The following CNTNAP5 variants were observed in gnomAD, a reference collection of about 807,000 sequenced individuals.
CNTNAP5 encodes the protein contactin associated protein family member 5.
In CNTNAP5, 72 loss-of-function variants were observed where a neutral mutation model predicts 150.2. The observed-to-expected ratio is 0.48, with a 90% CI of 0.40 to 0.58. CNTNAP5 has a LOEUF of 0.58. Among genes scored for constraint, CNTNAP5 ranks in the 20% least tolerant of loss-of-function variants. The probability of loss-of-function intolerance (pLI) is 0.00; values close to 1 mark genes in which losing one functional copy is unlikely to be tolerated. For synonymous variants in CNTNAP5, 672 were observed against 619.8 expected (o/e 1.08, Z -1.25); for missense variants, 1,636 against 1,626.2 (o/e 1.01, Z -0.10).
chr2:124,916,343 G>C lies in CNTNAP5; in HGVS notation c.*2055G>C, dbSNP rs988109018. ...GGATCTTTAAACACTGTTTTCCCCTGCCCTTTCCTCCCTTTCTTCAATTTT... is the reference window on the plus strand; with the variant it reads ...GGATCTTTAAACACTGTTTTCCCCTCCCCTTTCCTCCCTTTCTTCAATTTT... On this transcript the variant is annotated 3_prime_UTR_variant, in exon 24 of 24. Coordinates refer to ENST00000682447, the MANE Select transcript of CNTNAP5 (RefSeq NM_001367498.1). Among the ~76,000 whole-genome samples the C allele has an allele frequency of 6.6e-6, 1 of 151,998 alleles. No individual in the cohort carries two copies. Among genetic ancestry groups the C allele is most frequent in the African/African-American group, 2.4e-5 (1 of 41,506 alleles).
intron 12 of CNTNAP5, among the ~76,000 whole-genome samples, chr2:124,612,728 C>A (rs1677412666): frequency 1.3e-5 from 2 of 152,108 alleles, no homozygotes; most frequent in African/African-American, 4.8e-5. Flanking sequence ...CGATGTCTAA[C>A]TTTCTGTTTT....
chr2:124,208,154 TAG>T (rs1685911858), intron 1 of CNTNAP5, among the ~76,000 whole-genome samples: 1 of 152,166 alleles, frequency 6.6e-6, no homozygotes, highest in South Asian at 2.1e-4. Context: ...GGTCATTTCA[TAG>T]AGTCCTGAAG....
chr2:124,552,942 G>T (rs1440157099), intron 10 of CNTNAP5, among the ~76,000 whole-genome samples: 3 of 152,106 alleles, frequency 2.0e-5, no homozygotes, highest in Non-Finnish European at 4.4e-5. Flanking sequence ...TCCCTAAATG[G>T]TAGATTATCT....
At chr2:124,670,175 T>TCCGTCCTTCCTC (rs1678788002) in intron 13 of CNTNAP5, among the ~76,000 whole-genome samples, 1 of 136,396 alleles carries the variant, frequency 7.3e-6, no homozygotes. Flanking sequence ...CTTCCTTCCT[T>TCCGTCCTTCCTC]CCTCCCTCTC....
intron 1 of CNTNAP5, among the ~76,000 whole-genome samples, chr2:124,101,978 G>T (rs1402714236): frequency 6.6e-6 from 1 of 152,124 alleles, no homozygotes; most frequent in Non-Finnish European, 1.5e-5. Context: ...TGGTGGGGTT[G>T]CTGACAGCGT....
At chr2:124,354,170 T>C (rs1689940898) in intron 3 of CNTNAP5, among the ~76,000 whole-genome samples, 1 of 152,114 alleles carries the variant, frequency 6.6e-6, no homozygotes, top group Admixed American at 6.6e-5. Flanking sequence ...TGAAAAGACA[T>C]TAAAATGACC....
chr2:124,392,261 T>C (rs58136873), intron 3 of CNTNAP5, among the ~76,000 whole-genome samples: 15,821 of 152,100 alleles, frequency 0.1, 1,194 homozygotes, highest in African/African-American at 0.22. Flanking sequence ...GAGGAAAAGG[T>C]CAAATAATCT....
At chr2:124,101,946 C>T (rs1683074952) in intron 1 of CNTNAP5, among the ~76,000 whole-genome samples, 1 of 152,136 alleles carries the variant, frequency 6.6e-6, no homozygotes, top group Non-Finnish European at 1.5e-5. Flanking sequence ...CGCCTGGTGC[C>T]TGACTTGCCC....
chr2:124,087,758 AG>A (rs1682726810), intron 1 of CNTNAP5, among the ~76,000 whole-genome samples: 1 of 151,718 alleles, frequency 6.6e-6, no homozygotes, highest in African/African-American at 2.4e-5. Context: ...CCACACTAAA[AG>A]TATTGTGCTC....
intron 14 of CNTNAP5, among the ~76,000 whole-genome samples, chr2:124,755,599 T>C (rs62171336): frequency 0.33 from 49,641 of 152,078 alleles, 9,130 homozygotes; most frequent in Non-Finnish European, 0.43. Flanking sequence ...TTGTCATTTC[T>C]ACTCTGCCTG....
chr2:124,786,453 A>G (rs1681591407), intron 17 of CNTNAP5, among the ~76,000 whole-genome samples: 1 of 124,536 alleles, frequency 8.0e-6, no homozygotes, highest in African/African-American at 3.9e-5. Context: ...GAAGGAAAGA[A>G]AGAAAGAAAG....
At chr2:124,383,568 A>G (rs539245604) in intron 3 of CNTNAP5, among the ~76,000 whole-genome samples, 2 of 152,306 alleles carry the variant, frequency 1.3e-5, no homozygotes, top group Admixed American at 1.3e-4. Context: ...CTTGGAAAGA[A>G]GACACATCAG....
At chr2:124,202,095 T>A (rs2104710995) in intron 1 of CNTNAP5, among the ~76,000 whole-genome samples, 1 of 152,314 alleles carries the variant, frequency 6.6e-6, no homozygotes, top group Admixed American at 6.5e-5. Context: ...CTAATTTAAA[T>A]ATCAGGATAT....
intron 1 of CNTNAP5, among the ~76,000 whole-genome samples, chr2:124,209,406 A>G (rs997659296): frequency 6.6e-6 from 1 of 152,228 alleles, no homozygotes; most frequent in East Asian, 1.9e-4. Context: ...GCTCAAATAA[A>G]GAAAGCATTT....
At chr2:124,761,734 A>G (rs892905251) in intron 14 of CNTNAP5, among the ~76,000 whole-genome samples, 1 of 152,152 alleles carries the variant, frequency 6.6e-6, no homozygotes, top group South Asian at 2.1e-4. Context: ...ACAGCTTTAG[A>G]GAGCAATTTA....
At chr2:124,405,674 G>A (rs1273873798) in intron 3 of CNTNAP5, among the ~76,000 whole-genome samples, 3 of 152,288 alleles carry the variant, frequency 2.0e-5, no homozygotes, top group Admixed American at 6.5e-5. Context: ...GTTCTTTGTA[G>A]TTATTCGTGG....
intron 21 of CNTNAP5, among the ~76,000 whole-genome samples, chr2:124,885,711 C>T (rs1483189931): frequency 6.6e-6 from 1 of 151,910 alleles, no homozygotes. Context: ...TAAATGGAAC[C>T]ATACAATTTG....
At chr2:124,631,850 A>G (rs986341203) in intron 12 of CNTNAP5, among the ~76,000 whole-genome samples, 6 of 152,344 alleles carry the variant, frequency 3.9e-5, no homozygotes, top group Non-Finnish European at 5.9e-5. Context: ...TCCAGAATCT[A>G]CAAGGAACTT....
intron 3 of CNTNAP5, among the ~76,000 whole-genome samples, chr2:124,341,220 A>T (rs531838302): frequency 6.6e-6 from 1 of 152,138 alleles, no homozygotes; most frequent in Non-Finnish European, 1.5e-5. Flanking sequence ...TTCCAAAAGA[A>T]GTTTGCCCAG....
Sources: allele counts gnomAD v4.1 joint callset (sites outside exome capture counted in the v4.1 genomes callset), GRCh38; gene constraint gnomAD v4.1.1; transcripts MANE v1.5; gene names NCBI Gene and HGNC (gene_info 2026-07-23, HGNC 2026-07-21).